Variants in SCAP observed in about 807,000 individuals in gnomAD.
SCAP encodes the protein SREBF chaperone.
Under a neutral mutation model 123.6 loss-of-function variants are expected in SCAP, and 65 were observed. The ratio of observed to expected loss-of-function variants is 0.53; its 90% CI spans 0.43 to 0.65. The LOEUF (loss-of-function observed/expected upper bound fraction) is 0.65, where lower values mean the gene tolerates loss of function less well. SCAP is among the 30% of genes least tolerant of loss of function. The pLI, the probability that SCAP is intolerant of heterozygous loss-of-function variation, is 0.00. For synonymous variants in SCAP, 740 were observed against 726.3 expected (o/e 1.02, Z -0.30); for missense variants, 1,398 against 1,712.5 (o/e 0.82, Z 3.24).
At chr3:47,422,877 T>C (rs1315945311) in intron 9 of SCAP, 3 of 208,882 alleles carry the variant, frequency 1.4e-5, no homozygotes, top group Non-Finnish European at 2.9e-5. Flanking sequence ...AACCTCCGCA[T>C]GTGGTTCTTG....
intron 1 of SCAP, among the ~76,000 whole-genome samples, chr3:47,474,189 C>T (rs545597221): frequency 1.3e-5 from 2 of 151,566 alleles, no homozygotes; most frequent in South Asian, 4.2e-4. Flanking sequence ...CGCTTGAACC[C>T]GGCAGGCGGA....
Position 47,442,955 on chromosome 3 carries a change from C to T in SCAP, c.39G>A (p.Arg13=). Residue 13 remains arginine (R), a synonymous_variant, in exon 2 of 23, where the codon CGG becomes CGA. Transcript: ENST00000265565. ...LTERLREKIS[R]AFYNHGLLCA... is the part of the protein sequence containing the mutation. ...AGAGGAGCCCATGGTTGTAGAAGGC[C>T]CGAGATATCTTCTCACGCAGCCTTT... The T allele has an allele frequency of 6.2e-7, 1 of 1,614,028 alleles. No homozygotes were observed. The highest frequency in any genetic ancestry group is 8.5e-7 in the Non-Finnish European group (1 of 1,180,024).
chr3:47,445,240 ATTC>A lies in SCAP; in HGVS notation c.-98-2152_-98-2150del, dbSNP rs1384049510. Among the ~76,000 whole-genome samples, 612 of 138,066 alleles carry A rather than the reference ATTC, an allele frequency of 4.4e-3. 16 individuals carry two copies. The highest frequency in any genetic ancestry group is 0.034 in the Admixed American group (477 of 13,918). The allele number at this position is 138,066 out of a possible 152,430, so 90.6% of individuals were successfully genotyped here. A position where few individuals can be genotyped will look rare whatever the true frequency, so the allele number is the denominator to read the frequency against. ...GTATTTGTTTGAATACCTGTTTTCAATTCTTTTTTTTTTTTTTTTTTTTGAGAT... is the reference window on the plus strand; with the variant it reads ...GTATTTGTTTGAATACCTGTTTTCAATTTTTTTTTTTTTTTTTTTTGAGAT... On this transcript the variant is annotated intron_variant, in intron 1 of 22. Coordinates refer to ENST00000265565, the MANE Select transcript of SCAP (RefSeq NM_012235.4).
intron 3 of SCAP, among the ~76,000 whole-genome samples, chr3:47,432,246 G>A (rs1038645174): frequency 6.9e-6 from 1 of 145,916 alleles, no homozygotes; most frequent in Non-Finnish European, 1.5e-5. Context: ...GAACCCGGGA[G>A]GCGGAGGTTC....
chr3:47,417,734 T>C lies in SCAP; in HGVS notation c.2540A>G (p.Glu847Gly). 1 of 1,606,044 alleles carries C rather than the reference T, an allele frequency of 6.2e-7. No homozygotes were observed. The highest frequency in any genetic ancestry group is 8.5e-7 in the Non-Finnish European group (1 of 1,178,074). ...TCTCAGGGGAGGGCTGTCCCCAGGC[T>C]CCTCTGGACCAGCCTTCCCACCATC... ...LSDGGKAGPEEPGDSPPLRHR... is the reference protein window; with the variant it reads ...LSDGGKAGPEGPGDSPPLRHR... The change falls in exon 17 of 23, where the codon GAG becomes GGG. Residue 847 changes from glutamate (E) to glycine (G), a missense_variant. By Grantham distance (98) the Glu-to-Gly change is moderately conservative (BLOSUM62 -2). This residue lies in a region of SCAP where 828 missense variants were observed against 882.5 expected (regional missense o/e 0.94). Coordinates refer to ENST00000265565, the MANE Select transcript of SCAP (RefSeq NM_012235.4).
Position 47,418,039 on chromosome 3 carries a change from C to T in SCAP, c.2447+95G>A, listed in dbSNP as rs556132448. On this transcript the variant is annotated intron_variant, in intron 16 of 22. Coordinates refer to ENST00000265565, the MANE Select transcript of SCAP (RefSeq NM_012235.4). ...GGGGGCCTGGAGGGGTTGGGGGATA[C>T]CTCGGAGGAAGAAAGGAGGGGAGAT... 477 of 865,112 alleles carry T rather than the reference C, an allele frequency of 5.5e-4. 1 individual carries two copies. The African/African-American group carries it at 9.6e-3, about 17-fold the overall frequency. 53.6% of individuals were successfully genotyped at this position (865,112 alleles called of 1,614,324 possible).
intron 1 of SCAP, among the ~76,000 whole-genome samples, chr3:47,473,095 A>AAAAAAAAAACC (rs1559576259): frequency 6.8e-6 from 1 of 146,290 alleles, no homozygotes; most frequent in African/African-American, 2.5e-5. Flanking sequence ...AAAAAAAAAA[A>AAAAAAAAAACC]AAAACAGACT....
rs1489380995 is a variant in SCAP, at chr3:47,461,695, G to T, written c.-99+14104C>A. On this transcript the variant is annotated intron_variant, in intron 1 of 22. Coordinates refer to ENST00000265565, the MANE Select transcript of SCAP (RefSeq NM_012235.4). ...CGGGGAACATTTCCATGACAGAGTTGATTCCCCAGCACCTCCCAACAAAAT... is the reference window on the plus strand; with the variant it reads ...CGGGGAACATTTCCATGACAGAGTTTATTCCCCAGCACCTCCCAACAAAAT... Among the ~76,000 whole-genome samples, 3 of 152,122 alleles carry T rather than the reference G, an allele frequency of 2.0e-5. No individual in the cohort carries two copies. In the East Asian group the frequency reaches 5.8e-4, roughly 29 times the overall value.
In SCAP at chr3:47,426,007, G is replaced by A; in HGVS notation, c.900C>T (p.Tyr300=). The A allele has an allele frequency of 6.2e-7, 1 of 1,614,166 alleles. No homozygotes were observed. Among genetic ancestry groups the A allele is most frequent in the Non-Finnish European group, 8.5e-7 (1 of 1,180,030 alleles). ...TTYIILFAYI[Y]FSTRKIDMVK... ...CTGCCATGAACCTACGCGTGGAGAA[G>A]TAGATGTAGGCAAACAAGATGATGT... is the stretch of plus-strand genomic sequence containing the variant. The change falls in exon 7 of 23, where the codon TAC becomes TAT. Residue 300 remains tyrosine, a synonymous_variant. Transcript: ENST00000265565.
At position 47,419,401 on chromosome 3, in the gene SCAP, C is replaced by A. The variant is rs1468127314; in HGVS notation, c.1867G>T (p.Glu623Ter). The A allele has an allele frequency of 1.9e-6, 3 of 1,610,620 alleles. No homozygotes were observed. Among genetic ancestry groups the A allele is most frequent in the Non-Finnish European group, 2.5e-6 (3 of 1,178,838 alleles). The change falls in exon 13 of 23, where the codon GAA becomes TAA. Residue 623 changes from glutamate to a stop codon, truncating the protein, a stop_gained. Coordinates refer to ENST00000265565, the MANE Select transcript of SCAP (RefSeq NM_012235.4). LOFTEE classifies it high-confidence loss of function. The surrounding 1 kb of genome is among the most constrained non-coding windows in gnomAD (Gnocchi z 5.0). ...CGGAAGGACAATTTCCTCCAAAGTT[C>A]CTCATCCTCAGGCCCCCAGGTTACC... ...PEVTWGPEDE[E>*]LWRKLSFRHW...
intron 10 of SCAP, 124 bp downstream of exon 10, chr3:47,422,318 A>C (rs1576259458): frequency 1.3e-6 from 1 of 776,882 alleles, no homozygotes; most frequent in African/African-American, 1.7e-5. Flanking sequence ...CCAGGCAAAG[A>C]GGTCCCACCT....
chr3:47,445,779 C>T (rs1707014346), intron 1 of SCAP, among the ~76,000 whole-genome samples: 1 of 151,708 alleles, frequency 6.6e-6, no homozygotes, highest in Non-Finnish European at 1.5e-5. Flanking sequence ...ACCATGTTGG[C>T]CAGACTGGTC....
chr3:47,456,398 G>C (rs908849166), intron 1 of SCAP, among the ~76,000 whole-genome samples: 2 of 151,940 alleles, frequency 1.3e-5, no homozygotes, highest in Non-Finnish European at 2.9e-5. Context: ...ATAAGACCCT[G>C]CCTCAACATA....
At chr3:47,429,242 T>C (rs1706264338) in intron 3 of SCAP, among the ~76,000 whole-genome samples, 1 of 152,256 alleles carries the variant, frequency 6.6e-6, no homozygotes, top group African/African-American at 2.4e-5. Flanking sequence ...TGTCACAGTA[T>C]TGGCTTCTAG....
Position 47,419,836 on chromosome 3 carries a change from G to T in SCAP, c.1564-132C>A. On this transcript the variant is annotated intron_variant, in intron 12 of 22. Coordinates refer to ENST00000265565, the MANE Select transcript of SCAP (RefSeq NM_012235.4). The surrounding 1 kb of genome is among the most constrained non-coding windows in gnomAD (Gnocchi z 5.0). ...GGAGAGAGGACACAGGCCCCACTGC[G>T]TCCTTTTCTCCTGCCTCTCCAAGTC... 2.8e-6 allele frequency: 3 copies of T among 1,059,510 alleles called. No individual in the cohort carries two copies. Among genetic ancestry groups the T allele is most frequent in the Non-Finnish European group, 3.9e-6 (3 of 777,740 alleles). The allele number at this position is 1,059,510 out of a possible 1,614,324, so 65.6% of individuals were successfully genotyped here. A position where few individuals can be genotyped will look rare whatever the true frequency, so the allele number is the denominator to read the frequency against.
At chr3:47,441,819 T>C (rs1044684605) in intron 2 of SCAP, among the ~76,000 whole-genome samples, 2 of 150,774 alleles carry the variant, frequency 1.3e-5, no homozygotes, top group Non-Finnish European at 3.0e-5. Flanking sequence ...CCTAATGTTA[T>C]ACCTGAAGCA....
intron 9 of SCAP, among the ~76,000 whole-genome samples, chr3:47,423,635 C>T (rs994333816): frequency 6.6e-6 from 1 of 152,206 alleles, no homozygotes; most frequent in Non-Finnish European, 1.5e-5. Flanking sequence ...CTCAAGTGAT[C>T]CACCTGCCTC....
At position 47,414,590 on chromosome 3, in the gene SCAP, C is replaced by T. The variant is rs547827352; in HGVS notation, c.3369G>A (p.Thr1123=). ...CGCTTACCTGGTCAATGTACACGGT[C>T]GTGATGGCCCCTGAGTGGCCCTGAA... ...FTLQGHSGAI[T]TVYIDQTMVL... The change falls in exon 21 of 23, where the codon ACG becomes ACA. Residue 1123 remains threonine, a synonymous_variant. Coordinates refer to ENST00000265565, the MANE Select transcript of SCAP (RefSeq NM_012235.4). 6 of 1,613,442 alleles carry T rather than the reference C, an allele frequency of 3.7e-6. No homozygotes were observed. Among genetic ancestry groups the T allele is most frequent in the African/African-American group, 2.7e-5 (2 of 75,058 alleles).
At chr3:47,418,001 G>A in intron 16 of SCAP, 133 bp downstream of exon 16, 1 of 567,982 alleles carries the variant, frequency 1.8e-6, no homozygotes, top group South Asian at 2.0e-5. Context: ...GGGGGTGCGG[G>A]GGTGGGGGGA....
Sources: allele counts gnomAD v4.1 joint callset (sites outside exome capture counted in the v4.1 genomes callset), GRCh38; gene constraint gnomAD v4.1.1; regional missense constraint gnomAD v4.1.1; non-coding constraint Gnocchi (gnomAD v3.1); transcripts MANE v1.5; gene names NCBI Gene and HGNC (gene_info 2026-07-23, HGNC 2026-07-21).